AUTS2: variants seen among roughly 807,000 people sequenced by gnomAD.
AUTS2 encodes autism susceptibility gene 2 protein.
A neutral mutation model predicts 112.4 loss-of-function variants in AUTS2; 17 were observed. That is an observed-to-expected ratio of 0.15 (90% CI 0.10 to 0.23). AUTS2 has a LOEUF of 0.23. Among genes scored for constraint, AUTS2 ranks in the 10% least tolerant of loss-of-function variants. The pLI, the probability that AUTS2 is intolerant of heterozygous loss-of-function variation, is 1.00. For synonymous variants in AUTS2, 751 were observed against 702.7 expected, an observed-to-expected ratio of 1.07 and a Z score of -1.09; for missense variants, 1,510 against 1,701.6, an observed-to-expected ratio of 0.89 and a Z score of 1.98.
At chr7:70,669,440 C>A (rs1440559309) in intron 5 of AUTS2, among the ~76,000 whole-genome samples, 1 of 152,170 alleles carries the variant, frequency 6.6e-6, no homozygotes, top group Non-Finnish European at 1.5e-5. Flanking sequence ...AGAGAAAGTG[C>A]CTGTGCTCTG....
chr7:70,144,247 G>C (rs546731941), intron 4 of AUTS2, among the ~76,000 whole-genome samples: 77 of 152,094 alleles, frequency 5.1e-4, no homozygotes, highest in African/African-American at 1.8e-3. Context: ...TAGGGTTCTG[G>C]GGCAGAGAAA....
chr7:70,014,447 CTTTTT>C lies in AUTS2; in HGVS notation c.523-103683_523-103679del, dbSNP rs1291550511. Among the ~76,000 whole-genome samples the C allele has an allele frequency of 2.6e-5, 4 of 152,188 alleles. No individual in the cohort carries two copies. In the South Asian group the frequency reaches 6.2e-4, roughly 24 times the overall value. On this transcript the variant is annotated intron_variant, in intron 2 of 18. Coordinates refer to ENST00000342771, the MANE Select transcript of AUTS2 (RefSeq NM_015570.4). ...CAGACATAATTAAGGTATTGTCATT[CTTTTT>C]TGTCTGTCCTGGTTCTCATTGCAAT...
At chr7:70,284,736 A>G (rs997508917) in intron 4 of AUTS2, among the ~76,000 whole-genome samples, 5 of 152,194 alleles carry the variant, frequency 3.3e-5, no homozygotes, top group African/African-American at 1.2e-4. Flanking sequence ...AAAGAAGATG[A>G]AACTGATAGA....
chr7:70,001,090 A>C (rs565165434), intron 2 of AUTS2, among the ~76,000 whole-genome samples: 1 of 152,258 alleles, frequency 6.6e-6, no homozygotes, highest in Non-Finnish European at 1.5e-5. Context: ...TAAAAATATC[A>C]GAGAAAAAAA....
intron 5 of AUTS2, among the ~76,000 whole-genome samples, chr7:70,654,092 G>A (rs1447050199): frequency 1.3e-5 from 2 of 152,122 alleles, no homozygotes; most frequent in African/African-American, 4.8e-5. Flanking sequence ...TCTTTTCTGT[G>A]CCAAAGCCCA....
chr7:70,474,794 A>G (rs561474284), intron 5 of AUTS2, among the ~76,000 whole-genome samples: 8 of 152,174 alleles, frequency 5.3e-5, no homozygotes, highest in Non-Finnish European at 7.3e-5. Context: ...AACCCATTTA[A>G]TTAGGACCCA....
At chr7:70,534,069 C>T (rs1400153712) in intron 5 of AUTS2, among the ~76,000 whole-genome samples, 3 of 152,220 alleles carry the variant, frequency 2.0e-5, no homozygotes, top group Non-Finnish European at 2.9e-5. Context: ...TTTTGTAGCA[C>T]TCAAAGAGAT....
intron 4 of AUTS2, among the ~76,000 whole-genome samples, chr7:70,368,788 A>G (rs1403138867): frequency 3.9e-5 from 6 of 152,222 alleles, no homozygotes; most frequent in Non-Finnish European, 7.3e-5. Flanking sequence ...AGCTATAGGT[A>G]TAAGTAAATA....
intron 5 of AUTS2, among the ~76,000 whole-genome samples, chr7:70,609,707 G>T (rs558208047): frequency 3.3e-5 from 5 of 151,988 alleles, no homozygotes; most frequent in African/African-American, 1.2e-4. Context: ...GATTACAGGC[G>T]TGAGCCACCA....
chr7:70,685,316 T>C (rs1193459386), intron 5 of AUTS2, among the ~76,000 whole-genome samples: 1 of 151,288 alleles, frequency 6.6e-6, no homozygotes, highest in African/African-American at 2.4e-5. Context: ...CTACTAAAAA[T>C]ACAAAAATTA....
At chr7:70,739,436 T>G (rs1283883677) in intron 6 of AUTS2, among the ~76,000 whole-genome samples, 2 of 149,832 alleles carry the variant, frequency 1.3e-5, no homozygotes, top group African/African-American at 4.9e-5. Context: ...CACCTTGGCC[T>G]CCCAAAATGC....
intron 6 of AUTS2, among the ~76,000 whole-genome samples, chr7:70,712,371 G>A (rs2129550092): frequency 6.6e-6 from 1 of 152,016 alleles, no homozygotes. Context: ...GATATGTCAG[G>A]GATTAGCTTT....
At chr7:69,875,135 G>T (rs999326433) in intron 1 of AUTS2, among the ~76,000 whole-genome samples, 5 of 151,382 alleles carry the variant, frequency 3.3e-5, no homozygotes, top group Non-Finnish European at 7.4e-5. Context: ...ATTCTTCCTG[G>T]ATGAGCTTTT....
intron 5 of AUTS2, among the ~76,000 whole-genome samples, chr7:70,680,034 C>T (rs1363142945): frequency 1.3e-5 from 2 of 152,214 alleles, no homozygotes; most frequent in Non-Finnish European, 2.9e-5. Context: ...GAATTTTACT[C>T]ACCACTTAGA....
At chr7:70,308,593 T>G (rs563806476) in intron 4 of AUTS2, among the ~76,000 whole-genome samples, 1 of 152,194 alleles carries the variant, frequency 6.6e-6, no homozygotes, top group Non-Finnish European at 1.5e-5. Context: ...ATGGCTCTTA[T>G]GTAGTGAAGA....
rs922877679 is a variant in AUTS2 at position 70,732,384 on chromosome 7, G to A, written c.743-30486G>A. Among the ~76,000 whole-genome samples, 10 of 152,128 alleles carry A rather than the reference G, an allele frequency of 6.6e-5. 1 individual carries two copies. Among genetic ancestry groups the A allele is most frequent in the Admixed American group, 4.6e-4 (7 of 15,266 alleles). On this transcript the variant is annotated intron_variant, in intron 6 of 18. Transcript: ENST00000342771. ...ACTTCCCTAGAGAAGAGGGGGTGAA[G>A]GAGATAGGGATGGACCAGTCTACCT...
intron 2 of AUTS2, among the ~76,000 whole-genome samples, chr7:70,109,150 T>G (rs140435638): frequency 6.8e-4 from 103 of 152,350 alleles, no homozygotes; most frequent in African/African-American, 2.2e-3. Flanking sequence ...TAAAAAGTTA[T>G]TGAAACATGT....
chr7:70,295,229 C>T (rs561887164), intron 4 of AUTS2, among the ~76,000 whole-genome samples: 1 of 152,318 alleles, frequency 6.6e-6, no homozygotes, highest in African/African-American at 2.4e-5. Context: ...TGCTTCCATT[C>T]AGCACCTATC....
chr7:69,763,452 T>C (rs1041636607), intron 1 of AUTS2, among the ~76,000 whole-genome samples: 1 of 152,338 alleles, frequency 6.6e-6, no homozygotes, highest in East Asian at 1.9e-4. Context: ...AATATCTGCC[T>C]TAGTAATAAT....
Sources: gnomAD v4.1 joint callset for allele counts (sites outside exome capture counted in the v4.1 genomes callset) on GRCh38, gnomAD v4.1.1 for gene constraint, MANE v1.5 for transcripts, NCBI Gene and HGNC (gene_info 2026-07-23, HGNC 2026-07-21) for gene names.